The following PSMD3 variants were observed in gnomAD, a reference collection of about 807,000 sequenced individuals.
PSMD3 encodes proteasome 26S subunit, non-ATPase 3, also known as 26S proteasome non-ATPase regulatory subunit 3.
PSMD3 carries 5 observed loss-of-function variants against 62.8 expected under a neutral mutation model. The observed-to-expected ratio is 0.08, with a 90% CI of 0.04 to 0.17. The LOEUF (loss-of-function observed/expected upper bound fraction) is 0.17, where lower values mean the gene tolerates loss of function less well. Ranked by LOEUF, PSMD3 falls within the 10% of genes least tolerant of loss-of-function variation. PSMD3 has a pLI of 1.00. For synonymous variants in PSMD3, 265 were observed against 283.9 expected, an observed-to-expected ratio of 0.93 and a Z score of 0.67; for missense variants, 524 against 713.6, an observed-to-expected ratio of 0.73 and a Z score of 3.03.
intron 6 of PSMD3, chr17:39,994,005 A>T (rs1349199434): frequency 6.6e-6 from 1 of 152,306 alleles, no homozygotes; most frequent in Non-Finnish European, 1.5e-5. Context: ...TCTCTTTCCT[A>T]ACAGCTCCCC....
In PSMD3 at chr17:39,994,972, G is replaced by T; in HGVS notation, c.1000G>T (p.Val334Leu). 6.2e-7 allele frequency: 1 copy of T among 1,614,110 alleles called. No homozygotes were observed. Among genetic ancestry groups the T allele is most frequent in the East Asian group, 2.2e-5 (1 of 44,870 alleles). ...TGTCCAGGTGCACAAGCTTCTCATCGTGGTGGAGCTGTTGCTGGGGGAGAT... is the reference window on the plus strand; with the variant it reads ...TGTCCAGGTGCACAAGCTTCTCATCTTGGTGGAGCTGTTGCTGGGGGAGAT... ...FKQTVHKLLI[V>L]VELLLGEIPD... is the part of the protein sequence containing the mutation. Residue 334 changes from valine to leucine, a missense_variant, in exon 7 of 12, where the codon GTG (valine) becomes TTG (leucine). Physicochemically the swap from Val to Leu is conservative, Grantham distance 32. Coordinates refer to ENST00000264639, the MANE Select transcript of PSMD3 (RefSeq NM_002809.4).
rs1162211746 is a variant in PSMD3, at chr17:39,997,845, G to C, written c.*264G>C. The C allele has an allele frequency of 1.8e-6, 1 of 551,546 alleles. No individual in the cohort carries two copies. The highest frequency in any genetic ancestry group is 3.3e-6 in the Non-Finnish European group (1 of 305,454). The allele number at this position is 551,546 out of a possible 1,614,324, so 34.2% of individuals were successfully genotyped here. A position where few individuals can be genotyped will look rare whatever the true frequency, so the allele number is the denominator to read the frequency against. On this transcript the variant is annotated 3_prime_UTR_variant, in exon 12 of 12. Coordinates refer to ENST00000264639, the MANE Select transcript of PSMD3 (RefSeq NM_002809.4). ...CAGCAGTGTGGGAGCAGGAGGGGAA[G>C]GATAGTTCTGTGTACTCCTTTAGGG... is the stretch of plus-strand genomic sequence containing the variant.
chr17:39,990,068 C>T (rs1371355418), intron 5 of PSMD3, 26 bp from the exon 6 acceptor site: 9 of 1,610,346 alleles, frequency 5.6e-6, no homozygotes, highest in Non-Finnish European at 7.6e-6. Context: ...ACTCTGTTGA[C>T]CAACTCTCCT....
chr17:39,995,013 G>C lies in PSMD3; in HGVS notation c.1041G>C (p.Gln347His). Residue 347 changes from glutamine (Q) to histidine (H), a missense_variant, in exon 7 of 12, where the codon CAG (glutamine) becomes CAC (histidine). Transcript: ENST00000264639. This position sits in a 1 kb window ranked among gnomAD's most constrained non-coding sequence, Gnocchi z 4.1. ...TGGGGGAGATCCCTGACCGGCTGCA[G>C]TTCCGCCAGCCCTCCCTCAAGCGCT... ...LLLGEIPDRL[Q>H]FRQPSLKRSL... The C allele has an allele frequency of 6.2e-7, 1 of 1,614,168 alleles. No homozygotes were observed. The highest frequency in any genetic ancestry group is 8.5e-7 in the Non-Finnish European group (1 of 1,180,046).
chr17:39,984,679 CAG>C (rs1980479191), intron 2 of PSMD3, among the ~76,000 whole-genome samples, 195 bp downstream of exon 2: 1 of 152,326 alleles, frequency 6.6e-6, no homozygotes, highest in South Asian at 2.1e-4. Context: ...TCTTCAAAGT[CAG>C]GGGATCAGGA....
intron 2 of PSMD3, among the ~76,000 whole-genome samples, chr17:39,985,443 TTGG>T (rs1480100312): frequency 6.6e-6 from 1 of 152,162 alleles, no homozygotes; most frequent in Non-Finnish European, 1.5e-5. Context: ...CGAAGTCAGT[TTGG>T]TGGTGGTGGT....
chr17:39,983,534 A>C (rs1025455074), intron 1 of PSMD3, among the ~76,000 whole-genome samples: 1 of 152,220 alleles, frequency 6.6e-6, no homozygotes, highest in African/African-American at 2.4e-5. Flanking sequence ...CTCTTTATAG[A>C]ATAAAAATAT....
rs1450069391 is a variant in PSMD3, at chr17:39,996,357, C to T, written c.1476+19C>T. On this transcript the variant is annotated intron_variant, in intron 10 of 11. Transcript: ENST00000264639. The surrounding 1 kb of genome is among the most constrained non-coding windows in gnomAD (Gnocchi z 5.1). ...TGTCAAGGTGAGAAGCCCGTGGCTG[C>T]AGAGTCACGCCTGGCAGCAGCACAC... is the stretch of plus-strand genomic sequence containing the variant. 5 of 1,610,748 alleles carry T rather than the reference C, an allele frequency of 3.1e-6. No individual in the cohort carries two copies. The highest frequency in any genetic ancestry group is 3.4e-6 in the Non-Finnish European group (4 of 1,178,360).
At chr17:39,989,493 G>A (rs151182358) in intron 4 of PSMD3, among the ~76,000 whole-genome samples, 3 of 152,308 alleles carry the variant, frequency 2.0e-5, no homozygotes, top group African/African-American at 7.2e-5. Flanking sequence ...ACTGCAGGCT[G>A]TGCTTCTTTC....
rs1980470014 is a variant in PSMD3, at chr17:39,984,364, C to T, written c.291C>T (p.Ala97=). 2.5e-6 allele frequency: 4 copies of T among 1,613,656 alleles called. No individual in the cohort carries two copies. Among genetic ancestry groups the T allele is most frequent in the African/African-American group, 1.3e-5 (1 of 74,860 alleles). The change falls in exon 2 of 12, where the codon GCC becomes GCT. Residue 97 remains alanine (A), a synonymous_variant. Coordinates refer to ENST00000264639, the MANE Select transcript of PSMD3 (RefSeq NM_002809.4). ...AGGAGCCGAGATTCGTGCTGCGGGC[C>T]CTGCGGATGCTGCCTTCCACATCAC... is the stretch of plus-strand genomic sequence containing the variant. The part of the protein sequence containing the change: ...SGKEPRFVLR[A]LRMLPSTSRR...
At position 39,996,410 on chromosome 17, in the gene PSMD3, A is replaced by G. The variant is rs1980786750; in HGVS notation, c.1476+72A>G. 6.5e-7 allele frequency: 1 copy of G among 1,545,916 alleles called. No homozygotes were observed. The highest frequency in any genetic ancestry group is 1.2e-5 in the South Asian group (1 of 84,568). On this transcript the variant is annotated intron_variant, in intron 10 of 11. Coordinates refer to ENST00000264639, the MANE Select transcript of PSMD3 (RefSeq NM_002809.4). This position sits in a 1 kb window ranked among gnomAD's most constrained non-coding sequence, Gnocchi z 5.1. ...CTCCCTCCACACTCATGGATTCCTC[A>G]GAGAAGACTGGCTTAATTTGTGGCC...
At chr17:39,983,137 A>G (rs1980427467) in intron 1 of PSMD3, among the ~76,000 whole-genome samples, 1 of 151,640 alleles carries the variant, frequency 6.6e-6, no homozygotes, top group South Asian at 2.1e-4. Flanking sequence ...AGTTCAAGCG[A>G]TTCTCCTGCC....
chr17:39,985,764 G>A (rs1185811391), intron 2 of PSMD3, among the ~76,000 whole-genome samples: 1 of 152,232 alleles, frequency 6.6e-6, no homozygotes, highest in African/African-American at 2.4e-5. Flanking sequence ...TTTTGGGGGT[G>A]ACTGTAACAC....
intron 6 of PSMD3, chr17:39,993,434 C>T (rs1469449064): frequency 2.0e-5 from 3 of 152,346 alleles, no homozygotes; most frequent in African/African-American, 7.2e-5. Context: ...CCCCCTCCCA[C>T]TCCCCATGTC....
At chr17:39,992,212 ATG>A (rs1347915791) in intron 6 of PSMD3, among the ~76,000 whole-genome samples, 2 of 152,292 alleles carry the variant, frequency 1.3e-5, no homozygotes, top group Non-Finnish European at 2.9e-5. Flanking sequence ...AAAATGTGTC[ATG>A]TACCATGAGA....
At position 39,984,392 on chromosome 17, in the gene PSMD3, C is replaced by T. The variant is rs763435974; in HGVS notation, c.319C>T (p.Arg107Cys). The change falls in exon 2 of 12, where the codon CGC becomes TGC. Residue 107 changes from arginine to cysteine, a missense_variant. Arg to Cys is a radical substitution (Grantham distance 180). Coordinates refer to ENST00000264639, the MANE Select transcript of PSMD3 (RefSeq NM_002809.4). ...ALRMLPSTSR[R>C]LNHYVLYKAV... ...GCGGATGCTGCCTTCCACATCACGC[C>T]GCCTCAACCACTATGTTCTGTATAA... 325 of 1,613,726 alleles carry T rather than the reference C, an allele frequency of 2.0e-4. No individual in the cohort carries two copies. Among genetic ancestry groups the T allele is most frequent in the Non-Finnish European group, 2.7e-4 (313 of 1,180,006 alleles).
Position 39,995,500 on chromosome 17 carries a change from C to G in PSMD3, c.1293C>G (p.Pro431=), listed in dbSNP as rs144987407. 5.6e-6 allele frequency: 9 copies of G among 1,613,772 alleles called. No individual in the cohort carries two copies. The highest frequency in any genetic ancestry group is 6.8e-6 in the Non-Finnish European group (8 of 1,179,828). Residue 431 remains proline (P), a synonymous_variant, in exon 9 of 12, where the codon CCC becomes CCG. Coordinates refer to ENST00000264639, the MANE Select transcript of PSMD3 (RefSeq NM_002809.4). This position sits in a 1 kb window ranked among gnomAD's most constrained non-coding sequence, Gnocchi z 4.1. ...DIAQKLQLDS[P]EDAEFIVAKA... ...CCCAGAAGCTGCAGTTGGATAGCCCCGAAGATGCAGAGTTCATTGTTGCCA... is the reference window on the plus strand; with the variant it reads ...CCCAGAAGCTGCAGTTGGATAGCCCGGAAGATGCAGAGTTCATTGTTGCCA...
intron 10 of PSMD3, 44 bp from the exon 11 acceptor site, chr17:39,997,286 C>T: frequency 6.2e-7 from 1 of 1,602,514 alleles, no homozygotes; most frequent in Non-Finnish European, 8.5e-7. Context: ...AGTGCCTCAC[C>T]TGCTTCCTTC....
Position 39,997,602 on chromosome 17 carries a change from TA to T in PSMD3, c.*22del. On this transcript the variant is annotated 3_prime_UTR_variant, in exon 12 of 12. Transcript: ENST00000264639. ...CTTGAGCTGGGGGGCTGGGGAGGGG[TA>T]GGGGGAATGGGGACAGGCTCTTTCC... The T allele has an allele frequency of 6.3e-7, 1 of 1,594,390 alleles. No individual in the cohort carries two copies. Among genetic ancestry groups the T allele is most frequent in the Non-Finnish European group, 8.6e-7 (1 of 1,164,672 alleles).
Sources: allele counts gnomAD v4.1 joint callset (sites outside exome capture counted in the v4.1 genomes callset), GRCh38; gene constraint gnomAD v4.1.1; non-coding constraint Gnocchi (gnomAD v3.1); transcripts MANE v1.5; gene names NCBI Gene and HGNC (gene_info 2026-07-23, HGNC 2026-07-21).